The following TRAF2 variants were observed in gnomAD, a reference collection of about 807,000 sequenced individuals.
TRAF2 encodes the protein TNF receptor-associated factor 2.
In TRAF2, 6 loss-of-function variants were observed where a neutral mutation model predicts 55.6. The observed-to-expected ratio is 0.11, with a 90% CI of 0.06 to 0.21. The LOEUF (loss-of-function observed/expected upper bound fraction) is 0.21. Among genes scored for constraint, TRAF2 ranks in the 10% least tolerant of loss-of-function variants. TRAF2 has a pLI of 1.00. For missense variants in TRAF2, 561 were observed against 684.5 expected, an observed-to-expected ratio of 0.82 and a Z score of 2.01; for synonymous variants, 329 against 276.3, an observed-to-expected ratio of 1.19 and a Z score of -1.89.
At chr9:136,882,492 C>T (rs1849386444), upstream of TRAF2, among the ~76,000 whole-genome samples, 2 of 152,230 alleles carry the variant, frequency 1.3e-5, no homozygotes, top group African/African-American at 2.4e-5. Flanking sequence ...CCCAGGACAG[C>T]AGCTGCATGT....
Position 136,909,981 on chromosome 9 carries a change from T to A in TRAF2, c.590T>A (p.Ile197Asn), listed in dbSNP as rs1250915147. The part of the protein sequence containing the change: ...LTCDGCGKKK[I>N]PREKFQDHVK... ...TGTGACGGCTGCGGCAAGAAGAAGA[T>A]CCCCCGGGAGAAGGTGAGTGTCCTT... The change falls in exon 6 of 11, where the codon ATC (isoleucine) becomes AAC (asparagine). Residue 197 changes from isoleucine (I) to asparagine (N), a missense_variant. Ile to Asn is a moderately radical substitution (Grantham distance 149). Coordinates refer to ENST00000247668, the MANE Select transcript of TRAF2 (RefSeq NM_021138.4). 6.2e-7 allele frequency: 1 copy of A among 1,612,558 alleles called. No homozygotes were observed.
intron 7 of TRAF2, among the ~76,000 whole-genome samples, chr9:136,919,781 T>TCTC: frequency 6.6e-6 from 1 of 151,312 alleles, no homozygotes; most frequent in South Asian, 2.1e-4. Flanking sequence ...AGTGGTATGA[T>TCTC]CTCGGCTCAC....
intron 2 of TRAF2, 92 bp from the exon 3 acceptor site, chr9:136,899,502 T>C: frequency 1.8e-6 from 2 of 1,130,032 alleles, no homozygotes; most frequent in Non-Finnish European, 2.6e-6. Flanking sequence ...TAAACTGTGG[T>C]GTGGAGGTAG....
At chr9:136,896,493 C>G (rs575010170) in intron 1 of TRAF2, among the ~76,000 whole-genome samples, 1 of 152,226 alleles carries the variant, frequency 6.6e-6, no homozygotes. Flanking sequence ...CGAGTCTGTT[C>G]TCTTGGGCGT....
chr9:136,882,146 C>A, upstream of TRAF2: 1 of 704,914 alleles, frequency 1.4e-6, no homozygotes, highest in Non-Finnish European at 1.7e-6. Flanking sequence ...AAGCTGGGCT[C>A]TGTCGTCCCA....
chr9:136,892,570 T>A (rs935824643), intron 1 of TRAF2, among the ~76,000 whole-genome samples: 1 of 152,086 alleles, frequency 6.6e-6, no homozygotes, highest in Non-Finnish European at 1.5e-5. Context: ...TCTAAAACCA[T>A]TAAACCTTTT....
At chr9:136,887,161 G>A (rs959554203) in intron 1 of TRAF2, among the ~76,000 whole-genome samples, 6 of 152,218 alleles carry the variant, frequency 3.9e-5, no homozygotes, top group African/African-American at 1.4e-4. Context: ...AGGGTCGGGG[G>A]CAGCAAGGAG....
chr9:136,890,521 G>C (rs1168148868), intron 1 of TRAF2: 1 of 152,218 alleles, frequency 6.6e-6, no homozygotes, highest in Non-Finnish European at 1.5e-5. Flanking sequence ...GAGCTCCCTA[G>C]TCTAAGCCGG....
Position 136,898,843 on chromosome 9 carries a change from T to A in TRAF2, c.103T>A (p.Ser35Thr). 1 of 1,613,702 alleles carries A rather than the reference T, an allele frequency of 6.2e-7. No individual in the cohort carries two copies. Among genetic ancestry groups the A allele is most frequent in the Non-Finnish European group, 8.5e-7 (1 of 1,180,022 alleles). The stretch of plus-strand genomic sequence containing the variant: ...CAAGCTGGAAGCCAAGTACCTGTGC[T>A]CCGCCTGCAGAAACGTCCTCCGCAG... ...GTKLEAKYLC[S>T]ACRNVLRRPF... Residue 35 changes from serine to threonine, a missense_variant, in exon 2 of 11, where the codon TCC becomes ACC. Ser to Thr is a moderately conservative substitution (Grantham distance 58). Around this residue, in one of 2 missense-constraint regions of TRAF2, gnomAD observed 426 missense variants for 476.8 expected, o/e 0.89. Transcript: ENST00000247668.
At position 136,920,416 on chromosome 9, in the gene TRAF2, C is replaced by T. The variant is rs769972448; in HGVS notation, c.861C>T (p.Cys287=). 50 of 1,613,990 alleles carry T rather than the reference C, an allele frequency of 3.1e-5. No individual in the cohort carries two copies. Among genetic ancestry groups the T allele is most frequent in the South Asian group, 1.8e-4 (16 of 91,090 alleles). Residue 287 remains cysteine (C), a synonymous_variant, in exon 8 of 11, where the codon TGC becomes TGT. Coordinates refer to ENST00000247668, the MANE Select transcript of TRAF2 (RefSeq NM_021138.4). ...KKTATFENIV[C]VLNREVERVA... ...CGGCCACTTTTGAGAACATTGTCTG[C>T]GTCCTGAACCGGGAGGTGGAGAGGG... is the stretch of plus-strand genomic sequence containing the variant.
intron 5 of TRAF2, among the ~76,000 whole-genome samples, chr9:136,908,531 G>A (rs543643872): frequency 5.3e-5 from 8 of 152,176 alleles, no homozygotes; most frequent in Admixed American, 2.6e-4. Flanking sequence ...GACCAGCCTG[G>A]CCAACATGGT....
chr9:136,919,114 G>A lies in TRAF2; in HGVS notation c.679-1120G>A, dbSNP rs1228495894. On this transcript the variant is annotated intron_variant, in intron 7 of 10. Transcript: ENST00000247668. ...TCGCTCTGTTGGCCAGGCTGGAAGT[G>A]CAGTGGCACCATCTCAGCTCACTAC... is the stretch of plus-strand genomic sequence containing the variant. Among the ~76,000 whole-genome samples, 3 of 149,392 alleles carry A rather than the reference G, an allele frequency of 2.0e-5. No individual in the cohort carries two copies. In the East Asian group the frequency reaches 5.8e-4, roughly 29 times the overall value.
At chr9:136,887,406 G>C (rs1033775019) in intron 1 of TRAF2, among the ~76,000 whole-genome samples, 1 of 152,234 alleles carries the variant, frequency 6.6e-6, no homozygotes, top group Admixed American at 6.5e-5. Flanking sequence ...TCAGGGGAAC[G>C]GTCAGGGCCA....
chr9:136,913,163 A>T (rs1253558710), intron 6 of TRAF2, among the ~76,000 whole-genome samples: 3 of 152,086 alleles, frequency 2.0e-5, no homozygotes, highest in South Asian at 2.1e-4. Flanking sequence ...AATAAACAAA[A>T]ACCAGCAACA....
chr9:136,886,048 A>G (rs938679989), upstream of TRAF2: 2 of 152,210 alleles, frequency 1.3e-5, no homozygotes, highest in African/African-American at 2.4e-5. Context: ...CCCGCGCGCG[A>G]CGCGCGCCTC....
Position 136,914,206 on chromosome 9 carries a change from C to A in TRAF2, c.604-2335C>A, listed in dbSNP as rs187115807. Among the ~76,000 whole-genome samples, 36 of 152,296 alleles carry A rather than the reference C, an allele frequency of 2.4e-4. No homozygotes were observed. In the East Asian group the frequency reaches 6.9e-3, roughly 29 times the overall value. ...TTGAGGTTTACAGAGGCCAGGCGCC[C>A]AGCTGGCTTCCAGTTCCATGGACGG... On this transcript the variant is annotated intron_variant, in intron 6 of 10. Transcript: ENST00000247668.
intron 9 of TRAF2, 130 bp from the exon 10 acceptor site, chr9:136,923,722 C>A (rs1850454405): frequency 4.4e-6 from 3 of 677,040 alleles, no homozygotes; most frequent in African/African-American, 2.3e-5. Context: ...AAAAACTTTT[C>A]TTTGCACCCC....
chr9:136,903,686 G>GT (rs1313237796), intron 4 of TRAF2, among the ~76,000 whole-genome samples: 11 of 151,390 alleles, frequency 7.3e-5, no homozygotes, highest in African/African-American at 2.4e-5. Context: ...TTGTTTGTTT[G>GT]TTTGTTGTTT....
At chr9:136,905,275 G>A (rs1392103092) in intron 4 of TRAF2, among the ~76,000 whole-genome samples, 1 of 152,214 alleles carries the variant, frequency 6.6e-6, no homozygotes, top group Non-Finnish European at 1.5e-5. Flanking sequence ...TCTCCGGGTT[G>A]TGCCCATCGG....
Sources: gnomAD v4.1 joint callset for allele counts (sites outside exome capture counted in the v4.1 genomes callset) on GRCh38, gnomAD v4.1.1 for gene constraint, gnomAD v4.1.1 regional missense constraint, MANE v1.5 for transcripts, NCBI Gene and HGNC (gene_info 2026-07-23, HGNC 2026-07-21) for gene names.